Variants in MBOAT1 observed in about 807,000 individuals in gnomAD.
The protein encoded by MBOAT1 is membrane-bound glycerophospholipid O-acyltransferase 1.
A neutral mutation model predicts 64.4 loss-of-function variants in MBOAT1; 67 were observed. The ratio of observed to expected loss-of-function variants is 1.04; its 90% CI spans 0.85 to 1.27. The LOEUF is 1.27. Ranked by LOEUF, MBOAT1 falls within the 50% of genes most tolerant of loss-of-function variation. The probability of loss-of-function intolerance (pLI) is 0.00; values close to 1 mark genes in which losing one functional copy is unlikely to be tolerated. For synonymous variants in MBOAT1, 229 were observed against 218.9 expected, an observed-to-expected ratio of 1.05 and a Z score of -0.41; for missense variants, 563 against 604.6, an observed-to-expected ratio of 0.93 and a Z score of 0.72.
intron 1 of MBOAT1, among the ~76,000 whole-genome samples, chr6:20,156,496 A>G (rs1033162147): frequency 6.6e-6 from 1 of 152,172 alleles, no homozygotes; most frequent in Non-Finnish European, 1.5e-5. Context: ...GTAGAAACAC[A>G]CAACACCACC....
chr6:20,105,737 G>A lies in MBOAT1; in HGVS notation c.1362-3325C>T, dbSNP rs187535663. On this transcript the variant is annotated intron_variant, in intron 12 of 12. Transcript: ENST00000324607. Reference sequence around the variant, plus strand: ...GCTGGGGCAAGCTGAGATCACAATCGCGCCACTGCACTCCAGCCTCGGCAA... The same window carrying A: ...GCTGGGGCAAGCTGAGATCACAATCACGCCACTGCACTCCAGCCTCGGCAA... 5.3e-5 allele frequency among the ~76,000 whole-genome samples: 8 copies of A among 152,214 alleles called. No individual in the cohort carries two copies. In the East Asian group the frequency reaches 7.7e-4, roughly 15 times the overall value.
chr6:20,170,128 C>A (rs1011313718), intron 1 of MBOAT1, among the ~76,000 whole-genome samples: 25 of 152,170 alleles, frequency 1.6e-4, no homozygotes, highest in African/African-American at 5.3e-4. Flanking sequence ...CTGTTATCCC[C>A]CCCTGCAATG....
At chr6:20,196,845 A>G (rs1481072471) in intron 1 of MBOAT1, among the ~76,000 whole-genome samples, 4 of 145,564 alleles carry the variant, frequency 2.7e-5, no homozygotes, top group African/African-American at 1.0e-4. Context: ...CTGGGCAACA[A>G]GAGCGAAACT....
At chr6:20,121,516 C>A (rs138483457) in intron 8 of MBOAT1, among the ~76,000 whole-genome samples, 5 of 152,256 alleles carry the variant, frequency 3.3e-5, no homozygotes, top group African/African-American at 1.2e-4. Flanking sequence ...GAAGGGGTAC[C>A]TCTACACTGT....
intron 8 of MBOAT1, among the ~76,000 whole-genome samples, chr6:20,119,544 G>A (rs1373907680): frequency 6.6e-6 from 1 of 152,144 alleles, no homozygotes; most frequent in African/African-American, 2.4e-5. Flanking sequence ...TTGAAGAGCT[G>A]CTCTAAAGAA....
chr6:20,152,401 A>C (rs569790841), intron 2 of MBOAT1, among the ~76,000 whole-genome samples: 83 of 151,738 alleles, frequency 5.5e-4, no homozygotes, highest in Admixed American at 2.8e-3. Flanking sequence ...AAAAAGAAAA[A>C]GTGAACTATA....
At chr6:20,172,409 A>G (rs1014306107) in intron 1 of MBOAT1, among the ~76,000 whole-genome samples, 2 of 152,204 alleles carry the variant, frequency 1.3e-5, no homozygotes, top group African/African-American at 2.4e-5. Context: ...AGCCTGGGCA[A>G]CAGAGCAAGA....
At chr6:20,206,141 T>C (rs1763258862) in intron 1 of MBOAT1, among the ~76,000 whole-genome samples, 1 of 152,054 alleles carries the variant, frequency 6.6e-6, no homozygotes, top group African/African-American at 2.4e-5. Flanking sequence ...GGTCAGAGCT[T>C]TTCCAGACCT....
Position 20,102,064 on chromosome 6 carries a change from G to A in MBOAT1, c.*222C>T, listed in dbSNP as rs1340160592. The A allele has an allele frequency of 2.8e-5, 6 of 212,276 alleles. No homozygotes were observed. In the South Asian group the frequency reaches 3.8e-4, roughly 14 times the overall value. The allele number at this position is 212,276 out of a possible 1,614,324, so 13.1% of individuals were successfully genotyped here. A position where few individuals can be genotyped will look rare whatever the true frequency, so the allele number is the denominator to read the frequency against. On this transcript the variant is annotated 3_prime_UTR_variant, in exon 13 of 13. Coordinates refer to ENST00000324607, the MANE Select transcript of MBOAT1 (RefSeq NM_001080480.3). ...CGGGAGGCGGAGCTTGCAGTGAGCCGAGATCCCGCCACTGCACTCCAGCCT... is the reference window on the plus strand; with the variant it reads ...CGGGAGGCGGAGCTTGCAGTGAGCCAAGATCCCGCCACTGCACTCCAGCCT...
chr6:20,141,094 A>T (rs907759537), intron 4 of MBOAT1, among the ~76,000 whole-genome samples: 3 of 152,096 alleles, frequency 2.0e-5, no homozygotes, highest in Non-Finnish European at 2.9e-5. Context: ...GAAGCTTTTT[A>T]AGGAAAGTGA....
chr6:20,107,594 A>T (rs926073103), intron 12 of MBOAT1, among the ~76,000 whole-genome samples: 1 of 152,140 alleles, frequency 6.6e-6, no homozygotes, highest in Non-Finnish European at 1.5e-5. Flanking sequence ...CCATCAAGCT[A>T]TCACCCCAGT....
intron 12 of MBOAT1, among the ~76,000 whole-genome samples, chr6:20,105,909 T>C (rs1471500073): frequency 6.6e-6 from 1 of 152,260 alleles, no homozygotes. Flanking sequence ...GGTTCTTTCA[T>C]AATATATTTA....
intron 1 of MBOAT1, among the ~76,000 whole-genome samples, chr6:20,153,414 T>C (rs1429564715): frequency 6.6e-6 from 1 of 152,130 alleles, no homozygotes; most frequent in African/African-American, 2.4e-5. Flanking sequence ...AGCAGGACCC[T>C]AAGACAAAGA....
intron 4 of MBOAT1, among the ~76,000 whole-genome samples, chr6:20,141,359 C>CTTTTTTTTTTTTTTTTTTTTTTTT (rs755615744): frequency 1.0e-5 from 1 of 99,806 alleles, no homozygotes; most frequent in Non-Finnish European, 2.1e-5. Flanking sequence ...TTTTCTTTTT[C>CTTTTTTTTTTTTTTTTTTTTTTTT]TTTTTTTTTT....
chr6:20,153,946 G>C (rs1293920105), intron 1 of MBOAT1, among the ~76,000 whole-genome samples: 3 of 152,138 alleles, frequency 2.0e-5, no homozygotes, highest in Admixed American at 2.0e-4. Flanking sequence ...AACTAGAAAA[G>C]TAACTTAAAC....
chr6:20,112,141 C>T (rs1319361497), intron 11 of MBOAT1, among the ~76,000 whole-genome samples: 1 of 151,632 alleles, frequency 6.6e-6, no homozygotes. Context: ...ACCACAATCA[C>T]AATCAAAGAT....
chr6:20,207,492 G>A (rs185784617), intron 1 of MBOAT1, among the ~76,000 whole-genome samples: 7 of 152,256 alleles, frequency 4.6e-5, no homozygotes, highest in African/African-American at 1.2e-4. Context: ...CAGGAGATAC[G>A]ATTATCATGC....
At chr6:20,212,091 G>T in intron 1 of MBOAT1, 45 bp downstream of exon 1, 1 of 1,577,140 alleles carries the variant, frequency 6.3e-7, no homozygotes. Context: ...CCGTGCACGC[G>T]ATCGCTGGGG....
chr6:20,161,985 T>G (rs1268352653), intron 1 of MBOAT1, among the ~76,000 whole-genome samples: 9 of 152,178 alleles, frequency 5.9e-5, no homozygotes, highest in Non-Finnish European at 7.3e-5. Context: ...CTGAGACCTC[T>G]GTCCTTGGCT....
Sources: gnomAD v4.1 joint callset for allele counts (sites outside exome capture counted in the v4.1 genomes callset) on GRCh38, gnomAD v4.1.1 for gene constraint, MANE v1.5 for transcripts, NCBI Gene and HGNC (gene_info 2026-07-23, HGNC 2026-07-21) for gene names.